The following GADL1 variants were observed in gnomAD, a reference collection of about 807,000 sequenced individuals.
GADL1 encodes acidic amino acid decarboxylase GADL1.
Under a neutral mutation model 69.5 loss-of-function variants are expected in GADL1, and 71 were observed. That is an observed-to-expected ratio of 1.02 (90% confidence interval 0.84 to 1.25). The LOEUF is 1.25. Among genes scored for constraint, GADL1 ranks in the 50% most tolerant of loss-of-function variants. The probability of loss-of-function intolerance (pLI) is 0.00; values close to 1 mark genes in which losing one functional copy is unlikely to be tolerated. For missense variants in GADL1, 737 were observed against 631.8 expected (o/e 1.17, Z -1.79); for synonymous variants, 254 against 214.4 (o/e 1.18, Z -1.62).
intron 14 of GADL1, among the ~76,000 whole-genome samples, chr3:30,750,316 T>C (rs138705086): frequency 2.8e-3 from 427 of 152,256 alleles, no homozygotes; most frequent in Non-Finnish European, 4.9e-3. Context: ...GTTTCAAAAA[T>C]GTCCTGAGTT....
At chr3:30,769,082 G>A (rs1019974875) in intron 14 of GADL1, among the ~76,000 whole-genome samples, 7 of 152,122 alleles carry the variant, frequency 4.6e-5, no homozygotes, top group Non-Finnish European at 7.3e-5. Flanking sequence ...GAACTCAAGT[G>A]TGCAAGAAAT....
intron 8 of GADL1, among the ~76,000 whole-genome samples, chr3:30,842,628 C>CTTGTTGGTGGGGAAT (rs1697986308): frequency 6.6e-6 from 1 of 151,818 alleles, no homozygotes; most frequent in East Asian, 1.9e-4. Flanking sequence ...CACCAACAAG[C>CTTGTTGGTGGGGAAT]ATTAACAACA....
At chr3:30,760,027 C>G (rs148654818) in intron 14 of GADL1, among the ~76,000 whole-genome samples, 1 of 152,156 alleles carries the variant, frequency 6.6e-6, no homozygotes, top group African/African-American at 2.4e-5. Context: ...TTTTTACCTG[C>G]AGATTCATGA....
Position 30,771,975 on chromosome 3 carries a change from C to G in GADL1, c.1392+6204G>C, listed in dbSNP as rs149304252. Among the ~76,000 whole-genome samples the G allele has an allele frequency of 3.0e-3, 450 of 152,310 alleles. 3 individuals are homozygous for G. The highest frequency in any genetic ancestry group is 0.01 in the African/African-American group (429 of 41,570). On this transcript the variant is annotated intron_variant, in intron 14 of 14. Coordinates refer to ENST00000282538, the MANE Select transcript of GADL1 (RefSeq NM_207359.3). ...AAGGAAAGAGATACTGAAGCCCTCCCTAAAATCCAAAGCAGCAGCCTGTGT... is the reference window on the plus strand; with the variant it reads ...AAGGAAAGAGATACTGAAGCCCTCCGTAAAATCCAAAGCAGCAGCCTGTGT...
intron 14 of GADL1, among the ~76,000 whole-genome samples, chr3:30,740,839 T>C (rs1695605413): frequency 6.7e-6 from 1 of 149,710 alleles, no homozygotes; most frequent in African/African-American, 2.5e-5. Context: ...TTGCAAGTTA[T>C]CTGCTTTTAA....
At chr3:30,890,657 G>C (rs1698774320) in intron 1 of GADL1, among the ~76,000 whole-genome samples, 1 of 152,160 alleles carries the variant, frequency 6.6e-6, no homozygotes, top group Non-Finnish European at 1.5e-5. Context: ...CTCAGCAGCA[G>C]ACCAAATGTA....
At chr3:30,767,620 T>C (rs1338799051) in intron 14 of GADL1, among the ~76,000 whole-genome samples, 2 of 152,088 alleles carry the variant, frequency 1.3e-5, no homozygotes, top group African/African-American at 4.8e-5. Flanking sequence ...AAAAATTGAA[T>C]GACAGTAAAG....
At chr3:30,823,444 G>A (rs1355468316) in intron 11 of GADL1, among the ~76,000 whole-genome samples, 3 of 151,952 alleles carry the variant, frequency 2.0e-5, no homozygotes. Context: ...TGAAGTGGAG[G>A]TACAGGCTAT....
chr3:30,776,322 TA>T (rs1348997955), intron 14 of GADL1, among the ~76,000 whole-genome samples: 5 of 152,162 alleles, frequency 3.3e-5, no homozygotes, highest in Non-Finnish European at 5.9e-5. Context: ...TCTACCCTAC[TA>T]AAAAATGTCA....
At chr3:30,887,914 C>A (rs1212812141) in intron 1 of GADL1, among the ~76,000 whole-genome samples, 2 of 152,148 alleles carry the variant, frequency 1.3e-5, no homozygotes, top group Admixed American at 6.6e-5. Flanking sequence ...TTGGTGTTCA[C>A]AGGGGATTGG....
At chr3:30,752,793 T>C (rs1306069112) in intron 14 of GADL1, among the ~76,000 whole-genome samples, 2 of 148,290 alleles carry the variant, frequency 1.3e-5, no homozygotes, top group Admixed American at 1.3e-4. Context: ...AATGGCAGGT[T>C]AAAACAATCT....
intron 1 of GADL1, among the ~76,000 whole-genome samples, chr3:30,874,596 G>T (rs544318651): frequency 1.3e-5 from 2 of 152,044 alleles, no homozygotes; most frequent in South Asian, 2.1e-4. Flanking sequence ...ATTGCTTGAA[G>T]CCTGTGTAAC....
intron 14 of GADL1, among the ~76,000 whole-genome samples, chr3:30,774,644 T>C (rs1696492257): frequency 6.6e-6 from 1 of 152,200 alleles, no homozygotes; most frequent in African/African-American, 2.4e-5. Flanking sequence ...ATAAAACTTT[T>C]CTTATAAACT....
At chr3:30,887,554 C>T (rs72852608) in intron 1 of GADL1, among the ~76,000 whole-genome samples, 6,989 of 152,152 alleles carry the variant, frequency 0.046, 566 homozygotes, top group African/African-American at 0.16. Flanking sequence ...ACTAGATGCA[C>T]CCACTTGACC....
chr3:30,837,421 T>C (rs1307120594), intron 9 of GADL1, among the ~76,000 whole-genome samples: 1 of 152,118 alleles, frequency 6.6e-6, no homozygotes, highest in Non-Finnish European at 1.5e-5. Flanking sequence ...GCCAGATGTA[T>C]ACTATGCACA....
intron 13 of GADL1, among the ~76,000 whole-genome samples, chr3:30,782,381 A>T (rs1483239196): frequency 1.3e-5 from 2 of 152,146 alleles, no homozygotes; most frequent in Non-Finnish European, 2.9e-5. Context: ...GGAGTGGAGA[A>T]GACTAAGCAT....
intron 13 of GADL1, among the ~76,000 whole-genome samples, chr3:30,780,131 G>A (rs1696626910): frequency 6.6e-6 from 1 of 152,174 alleles, no homozygotes. Flanking sequence ...CCCTCAGGTG[G>A]TTTCAAAGGA....
intron 11 of GADL1, among the ~76,000 whole-genome samples, chr3:30,814,553 T>C (rs1302304274): frequency 6.6e-6 from 1 of 152,154 alleles, no homozygotes; most frequent in East Asian, 1.9e-4. Context: ...CATGCCTGTG[T>C]TCTACTAAAA....
At chr3:30,800,792 TACAGAC>T (rs1697141993) in intron 12 of GADL1, 91 bp downstream of exon 12, 1 of 1,010,744 alleles carries the variant, frequency 9.9e-7, no homozygotes, top group South Asian at 1.4e-5. Flanking sequence ...GTCTTCCTAT[TACAGAC>T]ACAGATAGAC....
Sources: allele counts gnomAD v4.1 joint callset (sites outside exome capture counted in the v4.1 genomes callset), GRCh38; gene constraint gnomAD v4.1.1; transcripts MANE v1.5; gene names NCBI Gene and HGNC (gene_info 2026-07-23, HGNC 2026-07-21).